ANK3: variants seen among roughly 807,000 people sequenced by gnomAD.
ANK3 encodes the protein ankyrin 3.
A neutral mutation model predicts 370.9 loss-of-function variants in ANK3; 57 were observed. The observed-to-expected ratio is 0.15, with a 90% CI of 0.12 to 0.19. ANK3 has a LOEUF of 0.19. ANK3 is among the 10% of genes least tolerant of loss of function. ANK3 has a pLI of 1.00. For missense variants in ANK3, 4,439 were observed against 5,302.1 expected (o/e 0.84, Z 5.06); for synonymous variants, 1,929 against 1,946.3 (o/e 0.99, Z 0.23).
intron 8 of ANK3, among the ~76,000 whole-genome samples, chr10:60,223,707 T>C (rs1270756098): frequency 6.6e-6 from 1 of 152,216 alleles, no homozygotes. Flanking sequence ...AGTAGCACTA[T>C]TAAAATACCT....
intron 1 of ANK3, among the ~76,000 whole-genome samples, chr10:60,649,984 A>G (rs1358015464): frequency 2.0e-5 from 3 of 152,190 alleles, no homozygotes; most frequent in Non-Finnish European, 4.4e-5. Flanking sequence ...ACATGTCTAG[A>G]TGAAGTCTCC....
chr10:60,362,671 C>T (rs2058788813), intron 1 of ANK3, among the ~76,000 whole-genome samples: 1 of 152,132 alleles, frequency 6.6e-6, no homozygotes, highest in South Asian at 2.1e-4. Context: ...AGGAGAGTTC[C>T]TCATTCAGCA....
intron 24 of ANK3, chr10:60,138,600 C>T (rs1347383742): frequency 2.3e-6 from 1 of 441,224 alleles, no homozygotes; most frequent in South Asian, 6.8e-5. Context: ...ACATATTTCT[C>T]ACTTATTAGC....
intron 22 of ANK3, 70 bp from the exon 23 acceptor site, chr10:60,166,723 C>T: frequency 6.3e-7 from 1 of 1,585,414 alleles, no homozygotes; most frequent in Middle Eastern, 1.7e-4. Flanking sequence ...CAAAACGTTT[C>T]AATATTCCTG....
rs1315809625 is a variant in ANK3, at chr10:60,621,135, A to G, written c.58-5911T>C. Among the ~76,000 whole-genome samples, 5 of 152,204 alleles carry G rather than the reference A, an allele frequency of 3.3e-5. No homozygotes were observed. In the East Asian group the frequency reaches 9.6e-4, roughly 29 times the overall value. ...AATTAGAGAAAAGCAATTCGGTCAA[A>G]TATTTCTCCACTGCAAACGATGCCA... On this transcript the variant is annotated intron_variant, in intron 1 of 43. Transcript: ENST00000373827.
At chr10:60,236,689 A>C (rs1314158680) in intron 7 of ANK3, among the ~76,000 whole-genome samples, 1 of 152,206 alleles carries the variant, frequency 6.6e-6, no homozygotes, top group African/African-American at 2.4e-5. Flanking sequence ...CTCTTTGCTC[A>C]CTATTCTTAG....
intron 2 of ANK3, among the ~76,000 whole-genome samples, chr10:60,428,472 T>C (rs1039212942): frequency 2.0e-5 from 3 of 152,208 alleles, no homozygotes; most frequent in Non-Finnish European, 4.4e-5. Flanking sequence ...TACAATTTCC[T>C]ATTGTTCATG....
intron 25 of ANK3, 41 bp from the exon 26 acceptor site, chr10:60,114,372 A>T: frequency 8.9e-7 from 1 of 1,129,178 alleles, no homozygotes; most frequent in South Asian, 1.3e-5. Context: ...TCAACAAACC[A>T]TACAAGACTG....
intron 2 of ANK3, among the ~76,000 whole-genome samples, chr10:60,499,386 C>T (rs1224747106): frequency 6.6e-6 from 1 of 152,080 alleles, no homozygotes; most frequent in East Asian, 1.9e-4. Context: ...GCTCATTATT[C>T]TTATAATACA....
At chr10:60,493,079 CAA>C (rs1268736795) in intron 2 of ANK3, among the ~76,000 whole-genome samples, 14,062 of 120,598 alleles carry the variant, frequency 0.12, 701 homozygotes, top group African/African-American at 0.18. Flanking sequence ...GACTCCTTCT[CAA>C]AAAAAAAAAA....
At chr10:60,728,474 T>C (rs1331313641) in intron 1 of ANK3, among the ~76,000 whole-genome samples, 6 of 152,204 alleles carry the variant, frequency 3.9e-5, no homozygotes, top group Non-Finnish European at 7.3e-5. Context: ...TTTGGAAAAT[T>C]ATTCTAACAT....
intron 1 of ANK3, among the ~76,000 whole-genome samples, chr10:60,616,473 A>G (rs1437582262): frequency 2.0e-5 from 3 of 152,172 alleles, no homozygotes; most frequent in African/African-American, 7.2e-5. Context: ...TTTCACATAT[A>G]CAGTATATCT....
At chr10:60,254,005 A>G (rs1206993748) in intron 7 of ANK3, among the ~76,000 whole-genome samples, 1 of 152,110 alleles carries the variant, frequency 6.6e-6, no homozygotes, top group Non-Finnish European at 1.5e-5. Context: ...CAGTCATCCT[A>G]TGGTATCCAT....
intron 7 of ANK3, among the ~76,000 whole-genome samples, chr10:60,243,782 A>G (rs189878218): frequency 6.6e-6 from 1 of 152,328 alleles, no homozygotes; most frequent in African/African-American, 2.4e-5. Context: ...TTTGGGTAGA[A>G]AAGACATGGC....
intron 2 of ANK3, among the ~76,000 whole-genome samples, chr10:60,573,566 C>A (rs7903279): frequency 6.6e-6 from 1 of 151,968 alleles, no homozygotes; most frequent in Non-Finnish European, 1.5e-5. Flanking sequence ...CCATCCTGAG[C>A]CCCAGGAATC....
intron 23 of ANK3, among the ~76,000 whole-genome samples, chr10:60,143,915 C>A (rs1377438720): frequency 1.3e-5 from 2 of 151,922 alleles, no homozygotes; most frequent in African/African-American, 4.8e-5. Context: ...CTCAAGGTAG[C>A]CATATGGAGA....
At chr10:60,711,987 TA>T (rs1211927611) in intron 1 of ANK3, among the ~76,000 whole-genome samples, 1 of 152,184 alleles carries the variant, frequency 6.6e-6, no homozygotes, top group Non-Finnish European at 1.5e-5. Context: ...AATTATTCTT[TA>T]AAAAGGAAGA....
intron 5 of ANK3, among the ~76,000 whole-genome samples, chr10:60,269,855 C>T (rs2097941758): frequency 6.6e-6 from 1 of 151,876 alleles, no homozygotes; most frequent in Admixed American, 6.6e-5. Flanking sequence ...TTGTAAGAGA[C>T]AGAAAAGAAT....
intron 1 of ANK3, among the ~76,000 whole-genome samples, chr10:60,323,735 G>GA (rs1270129085): frequency 6.6e-6 from 1 of 152,050 alleles, no homozygotes; most frequent in Non-Finnish European, 1.5e-5. Flanking sequence ...TTGGAGAGAT[G>GA]AAAAAAGATC....
Sources: allele counts gnomAD v4.1 joint callset (sites outside exome capture counted in the v4.1 genomes callset), GRCh38; gene constraint gnomAD v4.1.1; transcripts MANE v1.5; gene names NCBI Gene and HGNC (gene_info 2026-07-23, HGNC 2026-07-21).